EFNA5: variants seen among roughly 807,000 people sequenced by gnomAD.
EFNA5 encodes ephrin-A5.
Under a neutral mutation model 22.9 loss-of-function variants are expected in EFNA5, and 5 were observed. That is an observed-to-expected ratio of 0.22 (90% CI 0.11 to 0.46). EFNA5 has a LOEUF of 0.46. Ranked by LOEUF, EFNA5 falls within the 20% of genes least tolerant of loss-of-function variation. EFNA5 has a pLI of 0.99. For missense variants in EFNA5, 237 were observed against 293.3 expected, an observed-to-expected ratio of 0.81 and a Z score of 1.40; for synonymous variants, 113 against 112.2, an observed-to-expected ratio of 1.01 and a Z score of -0.04.
chr5:107,529,348 T>A (rs1243423987), intron 1 of EFNA5, among the ~76,000 whole-genome samples: 1 of 152,038 alleles, frequency 6.6e-6, no homozygotes, highest in Non-Finnish European at 1.5e-5. Context: ...CTGTACTAGA[T>A]TCAATTTATG....
At chr5:107,463,819 C>CTT (rs757889126) in intron 1 of EFNA5, among the ~76,000 whole-genome samples, 12 of 152,110 alleles carry the variant, frequency 7.9e-5, no homozygotes, top group Non-Finnish European at 1.3e-4. Context: ...GCAGTATGCA[C>CTT]TTTGGTTCCT....
At chr5:107,649,172 C>A (rs775465785) in intron 1 of EFNA5, among the ~76,000 whole-genome samples, 5 of 152,066 alleles carry the variant, frequency 3.3e-5, no homozygotes, top group Non-Finnish European at 7.4e-5. Flanking sequence ...AATTCAATCA[C>A]CTTGTAAAGA....
At chr5:107,557,695 C>A (rs188991553) in intron 1 of EFNA5, among the ~76,000 whole-genome samples, 95 of 152,242 alleles carry the variant, frequency 6.2e-4, no homozygotes, top group African/African-American at 2.2e-3. Flanking sequence ...AGAGATTTTG[C>A]TCAATAACTA....
chr5:107,479,471 A>C lies in EFNA5; in HGVS notation c.126-51962T>G, dbSNP rs200360374. Among the ~76,000 whole-genome samples, 28 of 152,000 alleles carry C rather than the reference A, an allele frequency of 1.8e-4. No individual in the cohort carries two copies. The East Asian group carries it at 5.4e-3, about 29-fold the overall frequency. On this transcript the variant is annotated intron_variant, in intron 1 of 4. Transcript: ENST00000333274. ...ATGAAAACACATTTAAAAAAAAAAAACAACCTAAATTATAGCTATCCTTAT... is the reference window on the plus strand; with the variant it reads ...ATGAAAACACATTTAAAAAAAAAAACCAACCTAAATTATAGCTATCCTTAT...
At chr5:107,409,774 C>A (rs1475425729) in intron 2 of EFNA5, among the ~76,000 whole-genome samples, 1 of 152,158 alleles carries the variant, frequency 6.6e-6, no homozygotes, top group African/African-American at 2.4e-5. Flanking sequence ...GTCAGAAGCA[C>A]AGAGCCTATC....
At chr5:107,462,015 T>A (rs138776606) in intron 1 of EFNA5, among the ~76,000 whole-genome samples, 1 of 152,182 alleles carries the variant, frequency 6.6e-6, no homozygotes, top group African/African-American at 2.4e-5. Context: ...AACCTCTTCA[T>A]CAATTATTTC....
In EFNA5 at chr5:107,521,814, T is replaced by C. The variant is rs149749711; in HGVS notation, c.126-94305A>G. On this transcript the variant is annotated intron_variant, in intron 1 of 4. Coordinates refer to ENST00000333274, the MANE Select transcript of EFNA5 (RefSeq NM_001962.3). Reference sequence around the variant, plus strand: ...TAAGTTGAAGACCATCTATATATTATTGTATGTCTTTTTTTCTTTCTTAGT... The same window carrying C: ...TAAGTTGAAGACCATCTATATATTACTGTATGTCTTTTTTTCTTTCTTAGT... Among the ~76,000 whole-genome samples, 1,063 of 151,662 alleles carry C rather than the reference T, an allele frequency of 7.0e-3. 19 individuals are homozygous for C. The highest frequency in any genetic ancestry group is 0.024 in the African/African-American group (970 of 40,972).
At chr5:107,664,167 G>A (rs534228974) in intron 1 of EFNA5, among the ~76,000 whole-genome samples, 42 of 152,068 alleles carry the variant, frequency 2.8e-4, no homozygotes, top group Non-Finnish European at 4.4e-4. Context: ...AATAGCACAC[G>A]GATTTCAGTT....
At chr5:107,667,583 T>A (rs916653481) in intron 1 of EFNA5, among the ~76,000 whole-genome samples, 3 of 152,138 alleles carry the variant, frequency 2.0e-5, no homozygotes, top group Admixed American at 2.0e-4. Context: ...TCAAATTGAA[T>A]CTGTTAGTAT....
At chr5:107,517,619 A>G (rs1344946280) in intron 1 of EFNA5, among the ~76,000 whole-genome samples, 3 of 152,194 alleles carry the variant, frequency 2.0e-5, no homozygotes, top group Admixed American at 1.3e-4. Context: ...AGATATGAAA[A>G]TCACTGGGAA....
chr5:107,646,982 C>CT (rs939516310), intron 1 of EFNA5, among the ~76,000 whole-genome samples: 2 of 151,928 alleles, frequency 1.3e-5, no homozygotes, highest in Non-Finnish European at 2.9e-5. Context: ...TTGTAGGCAA[C>CT]TATTAAGCAT....
chr5:107,417,495 A>C (rs956493689), intron 2 of EFNA5, among the ~76,000 whole-genome samples: 5 of 152,206 alleles, frequency 3.3e-5, no homozygotes, highest in Non-Finnish European at 4.4e-5. Context: ...AACAGAGGTA[A>C]GCCATATCCC....
At chr5:107,551,264 T>C (rs1382972420) in intron 1 of EFNA5, among the ~76,000 whole-genome samples, 1 of 152,146 alleles carries the variant, frequency 6.6e-6, no homozygotes, top group Non-Finnish European at 1.5e-5. Context: ...GAATCCATGC[T>C]CTAAGTCAAG....
chr5:107,541,803 T>A (rs1334320260), intron 1 of EFNA5, among the ~76,000 whole-genome samples: 1 of 152,238 alleles, frequency 6.6e-6, no homozygotes, highest in Non-Finnish European at 1.5e-5. Context: ...CTCAGTCACA[T>A]GTGGGAAATT....
chr5:107,492,320 A>G (rs1746829343), intron 1 of EFNA5, among the ~76,000 whole-genome samples: 2 of 152,188 alleles, frequency 1.3e-5, no homozygotes, highest in South Asian at 4.1e-4. Context: ...AAAACACTGC[A>G]CCTGGACACT....
chr5:107,503,980 T>C (rs1366321804), intron 1 of EFNA5, among the ~76,000 whole-genome samples: 2 of 152,192 alleles, frequency 1.3e-5, no homozygotes, highest in African/African-American at 2.4e-5. Flanking sequence ...AATCAGGCAA[T>C]TCTCCTCATT....
intron 1 of EFNA5, among the ~76,000 whole-genome samples, chr5:107,619,050 T>C (rs868785998): frequency 2.6e-5 from 4 of 151,800 alleles, no homozygotes; most frequent in Admixed American, 6.6e-5. Flanking sequence ...GCCTCCCGAG[T>C]AGCTGGGACT....
At chr5:107,435,845 C>A (rs1042268661) in intron 1 of EFNA5, among the ~76,000 whole-genome samples, 8 of 152,132 alleles carry the variant, frequency 5.3e-5, no homozygotes, top group African/African-American at 7.2e-5. Context: ...AGTTCTTGCA[C>A]GTGCATGTTT....
At chr5:107,598,363 T>A (rs1164876170) in intron 1 of EFNA5, among the ~76,000 whole-genome samples, 1 of 152,126 alleles carries the variant, frequency 6.6e-6, no homozygotes, top group Non-Finnish European at 1.5e-5. Context: ...GAAGAGTAAA[T>A]ACTCCAAAAG....
Sources: allele counts gnomAD v4.1 joint callset (sites outside exome capture counted in the v4.1 genomes callset), GRCh38; gene constraint gnomAD v4.1.1; transcripts MANE v1.5; gene names NCBI Gene and HGNC (gene_info 2026-07-23, HGNC 2026-07-21).